MAML3: variants seen among roughly 807,000 people sequenced by gnomAD.
MAML3 encodes mastermind like transcriptional coactivator 3.
In MAML3, 27 loss-of-function variants were observed where a neutral mutation model predicts 101.9. The observed-to-expected ratio is 0.27, with a 90% CI of 0.20 to 0.37. MAML3 has a LOEUF of 0.37. Among genes scored for constraint, MAML3 ranks in the 10% least tolerant of loss-of-function variants. The pLI is 1.00. For synonymous variants in MAML3, 501 were observed against 555.9 expected, an observed-to-expected ratio of 0.90 and a Z score of 1.39; for missense variants, 1,316 against 1,444.9, an observed-to-expected ratio of 0.91 and a Z score of 1.45.
intron 2 of MAML3, among the ~76,000 whole-genome samples, chr4:139,803,874 C>T (rs1323075000): frequency 6.6e-6 from 1 of 152,162 alleles, no homozygotes; most frequent in Non-Finnish European, 1.5e-5. Flanking sequence ...ACTGTTGAGT[C>T]CAGAGCTAAA....
chr4:140,136,741 T>TC (rs1398136994), intron 1 of MAML3, among the ~76,000 whole-genome samples: 2 of 152,102 alleles, frequency 1.3e-5, no homozygotes, highest in Non-Finnish European at 2.9e-5. Context: ...GAAGGTCACT[T>TC]CCCCAAATGT....
At chr4:139,752,342 C>T (rs1301259678) in intron 2 of MAML3, among the ~76,000 whole-genome samples, 1 of 152,214 alleles carries the variant, frequency 6.6e-6, no homozygotes. Context: ...CCTGTGGTTG[C>T]ATGGGCGCAG....
intron 1 of MAML3, among the ~76,000 whole-genome samples, chr4:140,017,890 A>G (rs982531304): frequency 1.3e-5 from 2 of 151,988 alleles, no homozygotes; most frequent in Admixed American, 6.6e-5. Context: ...GATAGACTGT[A>G]TTATAGTTTT....
Position 139,958,466 on chromosome 4 carries a change from A to G in MAML3, c.469-67499T>C, listed in dbSNP as rs1733950029. Among the ~76,000 whole-genome samples, 4 of 152,248 alleles carry G rather than the reference A, an allele frequency of 2.6e-5. No individual in the cohort carries two copies. In the South Asian group the frequency reaches 8.3e-4, roughly 31 times the overall value. ...GAAAGATGAGACAGATAGTGCACTC[A>G]TAAAGCTAAAAGGTTCGGTGTACAG... is the stretch of plus-strand genomic sequence containing the variant. On this transcript the variant is annotated intron_variant, in intron 1 of 4. Coordinates refer to ENST00000509479, the MANE Select transcript of MAML3 (RefSeq NM_018717.5).
At chr4:139,914,104 C>G (rs1331698156) in intron 1 of MAML3, among the ~76,000 whole-genome samples, 2 of 152,108 alleles carry the variant, frequency 1.3e-5, no homozygotes, top group Admixed American at 6.6e-5. Flanking sequence ...TAGACTTTGG[C>G]TTTTTATGAA....
chr4:139,806,656 T>A (rs1425759947), intron 2 of MAML3, among the ~76,000 whole-genome samples: 8 of 152,192 alleles, frequency 5.3e-5, no homozygotes, highest in Admixed American at 1.3e-4. Flanking sequence ...TTTAAAAGGA[T>A]GTTCGTAAAC....
chr4:140,032,840 T>C (rs1024741362), intron 1 of MAML3, among the ~76,000 whole-genome samples: 2 of 149,816 alleles, frequency 1.3e-5, no homozygotes, highest in African/African-American at 4.9e-5. Flanking sequence ...AATGAATTTA[T>C]GTCATTTCTA....
At chr4:140,069,411 GAGGAGGAGGGGA>G (rs1426105551) in intron 1 of MAML3, among the ~76,000 whole-genome samples, 1 of 68,698 alleles carries the variant, frequency 1.5e-5, no homozygotes, top group Non-Finnish European at 3.0e-5. Flanking sequence ...GGAGGAGGAG[GAGGAGGAGGGGA>G]AGGAGGAGAA....
chr4:140,092,508 G>C (rs966770501), intron 1 of MAML3, among the ~76,000 whole-genome samples: 1 of 151,938 alleles, frequency 6.6e-6, no homozygotes, highest in Non-Finnish European at 1.5e-5. Flanking sequence ...CAAACGGCGC[G>C]GCCGCTCCTG....
At chr4:139,884,747 C>A (rs1334689283) in intron 2 of MAML3, among the ~76,000 whole-genome samples, 1 of 152,208 alleles carries the variant, frequency 6.6e-6, no homozygotes, top group Admixed American at 6.5e-5. Flanking sequence ...TCTATTTGAT[C>A]TCAAAAGCGG....
intron 1 of MAML3, among the ~76,000 whole-genome samples, chr4:139,896,607 G>GGTGT (rs113274639): frequency 0.048 from 6,915 of 144,562 alleles, 204 homozygotes; most frequent in Admixed American, 0.084. Flanking sequence ...CTGTGAAACT[G>GGTGT]GTGTGTGTGT....
intron 1 of MAML3, among the ~76,000 whole-genome samples, chr4:140,038,544 T>C (rs950072064): frequency 1.3e-5 from 2 of 152,186 alleles, no homozygotes; most frequent in Non-Finnish European, 2.9e-5. Context: ...GTATCACACA[T>C]ATTTAGAGCA....
At chr4:139,775,121 T>G (rs1328395092) in intron 2 of MAML3, among the ~76,000 whole-genome samples, 1 of 152,186 alleles carries the variant, frequency 6.6e-6, no homozygotes, top group Non-Finnish European at 1.5e-5. Flanking sequence ...CTGCATGGTA[T>G]ATGATTCTCT....
At chr4:139,722,750 G>A (rs1239675040) in intron 4 of MAML3, among the ~76,000 whole-genome samples, 1 of 152,192 alleles carries the variant, frequency 6.6e-6, no homozygotes, top group African/African-American at 2.4e-5. Flanking sequence ...AATGGTGAGA[G>A]TATGGGATAG....
intron 1 of MAML3, among the ~76,000 whole-genome samples, chr4:139,966,353 A>G (rs969629685): frequency 1.3e-5 from 2 of 152,208 alleles, no homozygotes; most frequent in Non-Finnish European, 2.9e-5. Context: ...CACATGCAGA[A>G]CACGGCACAG....
At chr4:139,906,441 A>G (rs1732823030) in intron 1 of MAML3, among the ~76,000 whole-genome samples, 1 of 152,236 alleles carries the variant, frequency 6.6e-6, no homozygotes, top group Non-Finnish European at 1.5e-5. Context: ...GCAGCTTAGT[A>G]AATGTCACTT....
chr4:139,924,626 G>A (rs1733186263), intron 1 of MAML3, among the ~76,000 whole-genome samples: 1 of 149,726 alleles, frequency 6.7e-6, no homozygotes, highest in African/African-American at 2.6e-5. Context: ...GTATACTAAA[G>A]TGTACTTTCA....
At chr4:140,040,143 A>T (rs1727057061) in intron 1 of MAML3, among the ~76,000 whole-genome samples, 1 of 152,192 alleles carries the variant, frequency 6.6e-6, no homozygotes, top group Admixed American at 6.6e-5. Context: ...ATCTGGTCTC[A>T]GAGACACACA....
intron 1 of MAML3, among the ~76,000 whole-genome samples, chr4:140,008,109 C>A (rs1265816380): frequency 6.6e-6 from 1 of 152,156 alleles, no homozygotes; most frequent in African/African-American, 2.4e-5. Context: ...CTTTGGGAGG[C>A]CAAGGTGGGC....
Sources: allele counts gnomAD v4.1 joint callset (sites outside exome capture counted in the v4.1 genomes callset), GRCh38; gene constraint gnomAD v4.1.1; transcripts MANE v1.5; gene names NCBI Gene and HGNC (gene_info 2026-07-23, HGNC 2026-07-21).